The following BBS5 variants were observed in gnomAD, a reference collection of about 807,000 sequenced individuals.
The protein encoded by BBS5 is BBSome complex member BBS5.
In BBS5, 39 loss-of-function variants were observed where a neutral mutation model predicts 50.2. The ratio of observed to expected loss-of-function variants is 0.78; its 90% CI spans 0.60 to 1.01. The LOEUF (loss-of-function observed/expected upper bound fraction) is 1.01. BBS5 is among the 50% of genes least tolerant of loss of function. The pLI is 0.00. For synonymous variants in BBS5, 134 were observed against 133.1 expected (o/e 1.01, Z -0.05); for missense variants, 356 against 401.5 (o/e 0.89, Z 0.97).
chr2:169,489,166 A>G (rs886987433), intron 5 of BBS5, among the ~76,000 whole-genome samples: 1 of 151,920 alleles, frequency 6.6e-6, no homozygotes, highest in Non-Finnish European at 1.5e-5. Context: ...TAATTTTTAA[A>G]ATGTTTTTGT....
rs1244029326 is a variant in BBS5 at position 169,506,115 on chromosome 2, T to A, written c.*1533T>A. 12 of 123,438 alleles carry A rather than the reference T, an allele frequency of 9.7e-5. No homozygotes were observed. Among genetic ancestry groups the A allele is most frequent in the Non-Finnish European group, 1.6e-4 (10 of 61,196 alleles). 7.6% of individuals were successfully genotyped at this position (123,438 alleles called of 1,614,324 possible). On this transcript the variant is annotated 3_prime_UTR_variant, in exon 12 of 12. Coordinates refer to ENST00000295240, the MANE Select transcript of BBS5 (RefSeq NM_152384.3). The stretch of plus-strand genomic sequence containing the variant: ...CCCCTCTGCCCGGCCAGCCGCCCCG[T>A]CCAGGAGGGAGGTGGGGGGGTCAGC...
rs1172161975 is a variant in BBS5, at chr2:169,487,805, G to A, written c.209-1G>A. On this transcript the variant is annotated splice_acceptor_variant, in intron 3 of 11. Coordinates refer to ENST00000295240, the MANE Select transcript of BBS5 (RefSeq NM_152384.3). LOFTEE classifies it high-confidence loss of function. The stretch of plus-strand genomic sequence containing the variant: ...TTACATTCTTTGCTTTTGGATTTTA[G>A]CTGTCGGTTACAATTGCATATTGAA... The A allele has an allele frequency of 1.2e-6, 2 of 1,605,324 alleles. No individual in the cohort carries two copies. The highest frequency in any genetic ancestry group is 1.7e-6 in the Non-Finnish European group (2 of 1,173,810).
chr2:169,501,377 C>A (rs548794650), intron 9 of BBS5, among the ~76,000 whole-genome samples: 1 of 152,236 alleles, frequency 6.6e-6, no homozygotes, highest in South Asian at 2.1e-4. Context: ...GACTTTCAAT[C>A]CCAGTTTCAT....
At chr2:169,490,133 C>G (rs1209827650) in intron 5 of BBS5, among the ~76,000 whole-genome samples, 1 of 150,272 alleles carries the variant, frequency 6.7e-6, no homozygotes, top group Non-Finnish European at 1.5e-5. Flanking sequence ...CCTCAGCCTC[C>G]CAAAGGGCCG....
rs1167521342 is a variant in BBS5, at chr2:169,504,630, A to G, written c.*48A>G. The G allele has an allele frequency of 1.0e-5, 14 of 1,364,752 alleles. No individual in the cohort carries two copies. The highest frequency in any genetic ancestry group is 1.7e-5 in the Admixed American group (1 of 59,694). 84.5% of individuals were successfully genotyped at this position (1,364,752 alleles called of 1,614,324 possible). A position where few individuals can be genotyped will look rare whatever the true frequency, so the allele number is the denominator to read the frequency against. ...TTCTATTAAAGATATCTCTAGTTTAAAGATACTAGTCACCTGCCATAAGTC... is the reference window on the plus strand; with the variant it reads ...TTCTATTAAAGATATCTCTAGTTTAGAGATACTAGTCACCTGCCATAAGTC... On this transcript the variant is annotated 3_prime_UTR_variant, in exon 12 of 12. Transcript: ENST00000295240.
chr2:169,488,633 A>T (rs1277640665), intron 5 of BBS5, among the ~76,000 whole-genome samples: 1 of 152,174 alleles, frequency 6.6e-6, no homozygotes, highest in East Asian at 1.9e-4. Context: ...GGGGTTTGGG[A>T]CCCCTGTTTT....
chr2:169,499,379 C>T (rs73971621), intron 8 of BBS5, 107 bp from the exon 9 acceptor site: 19 of 1,170,416 alleles, frequency 1.6e-5, no homozygotes, highest in Middle Eastern at 2.9e-4. Context: ...AATGAACTTA[C>T]GTATTATGCT....
chr2:169,504,202 T>C, intron 10 of BBS5, 101 bp from the exon 11 acceptor site: 1 of 1,034,324 alleles, frequency 9.7e-7, no homozygotes, highest in Non-Finnish European at 1.5e-6. Flanking sequence ...GTGAAATACA[T>C]TTAGTTATAA....
chr2:169,493,801 G>A lies in BBS5; in HGVS notation c.583G>A (p.Asp195Asn). 1.2e-6 allele frequency: 2 copies of A among 1,612,068 alleles called. No homozygotes were observed. The highest frequency in any genetic ancestry group is 1.1e-5 in the South Asian group (1 of 91,000). Residue 195 changes from aspartate to asparagine, a missense_variant, in exon 7 of 12, where the codon GAT becomes AAT. Coordinates refer to ENST00000295240, the MANE Select transcript of BBS5 (RefSeq NM_152384.3). ...VRIVWHANMNDSFNVSIPYLQ... is the reference protein window; with the variant it reads ...VRIVWHANMNNSFNVSIPYLQ... ...AATTGTGTGGCATGCAAATATGAAT[G>A]ATAGTTTTAATGTCAGTATACCATA...
At chr2:169,493,172 ATTTTC>A (rs1683632398) in intron 6 of BBS5, 163 bp downstream of exon 6, 1 of 784,438 alleles carries the variant, frequency 1.3e-6, no homozygotes, top group African/African-American at 1.7e-5. Flanking sequence ...TAACATCCCT[ATTTTC>A]TTTCAATACA....
chr2:169,496,352 C>A (rs1256996270), intron 7 of BBS5, among the ~76,000 whole-genome samples: 2 of 152,182 alleles, frequency 1.3e-5, no homozygotes, highest in Non-Finnish European at 2.9e-5. Context: ...TCTATCCCAA[C>A]CTTCCTTGAT....
At chr2:169,482,766 G>T (rs1402100650) in intron 2 of BBS5, 1 of 204,744 alleles carries the variant, frequency 4.9e-6, no homozygotes, top group African/African-American at 2.4e-5. Context: ...TATGCGGAGA[G>T]CAAATTTAGT....
At chr2:169,501,832 A>T (rs1683809495) in intron 9 of BBS5, among the ~76,000 whole-genome samples, 1 of 152,166 alleles carries the variant, frequency 6.6e-6, no homozygotes, top group South Asian at 2.1e-4. Flanking sequence ...CACATGGGAG[A>T]TGCTTGATAG....
chr2:169,487,693 T>C (rs1014440514), intron 3 of BBS5, 113 bp from the exon 4 acceptor site: 10 of 683,388 alleles, frequency 1.5e-5, no homozygotes, highest in Non-Finnish European at 2.0e-5. Flanking sequence ...TATTTCTATA[T>C]ATGTTTAATT....
In BBS5 at chr2:169,481,321, A is replaced by G. The variant is rs183675712; in HGVS notation, c.60-930A>G. The stretch of plus-strand genomic sequence containing the variant: ...AGAATGGGCAGAGCCTTGTCAGGGT[A>G]GACAGGAGGAGAGTATTCCAGAAAA... On this transcript the variant is annotated intron_variant, in intron 1 of 11. Transcript: ENST00000295240. 8.5e-5 allele frequency among the ~76,000 whole-genome samples: 13 copies of G among 152,352 alleles called. No homozygotes were observed. The East Asian group carries it at 2.3e-3, about 27-fold the overall frequency.
chr2:169,484,783 T>C (rs886640107), intron 2 of BBS5, among the ~76,000 whole-genome samples: 4 of 152,138 alleles, frequency 2.6e-5, no homozygotes, highest in African/African-American at 2.4e-5. Flanking sequence ...AAGTAAGTCA[T>C]AGAAATGAGT....
chr2:169,488,311 T>C (rs1683522302), intron 5 of BBS5, among the ~76,000 whole-genome samples, 197 bp downstream of exon 5: 1 of 152,230 alleles, frequency 6.6e-6, no homozygotes, highest in African/African-American at 2.4e-5. Context: ...TACTATTATA[T>C]ACTCACCATA....
At chr2:169,486,549 C>T (rs186976459) in intron 2 of BBS5, among the ~76,000 whole-genome samples, 17 of 152,194 alleles carry the variant, frequency 1.1e-4, no homozygotes, top group Admixed American at 1.0e-3. Context: ...TCAGCCTGAC[C>T]ATAACTTCTT....
Position 169,504,835 on chromosome 2 carries a change from T to C in BBS5, c.*253T>C. ...CGCTGGCTTAAGCCATGGCTGAGGG[T>C]AGCTGGATTCCTCAGGCCCGGGCGC... On this transcript the variant is annotated 3_prime_UTR_variant, in exon 12 of 12. Coordinates refer to ENST00000295240, the MANE Select transcript of BBS5 (RefSeq NM_152384.3). 1 of 1,603,714 alleles carries C rather than the reference T, an allele frequency of 6.2e-7. No individual in the cohort carries two copies. The highest frequency in any genetic ancestry group is 8.5e-7 in the Non-Finnish European group (1 of 1,174,694).
Sources: allele counts gnomAD v4.1 joint callset (sites outside exome capture counted in the v4.1 genomes callset), GRCh38; gene constraint gnomAD v4.1.1; transcripts MANE v1.5; gene names NCBI Gene and HGNC (gene_info 2026-07-23, HGNC 2026-07-21).